Variants in TENM4 observed in about 807,000 individuals in gnomAD.
TENM4 encodes the protein teneurin-4.
A neutral mutation model predicts 243.3 loss-of-function variants in TENM4; 82 were observed. That is an observed-to-expected ratio of 0.34 (90% confidence interval 0.28 to 0.40). TENM4 has a LOEUF of 0.40. TENM4 is among the 10% of genes least tolerant of loss of function. The probability of loss-of-function intolerance (pLI) is 1.00; values close to 1 mark genes in which losing one functional copy is unlikely to be tolerated. For missense variants in TENM4, 3,138 were observed against 3,673.3 expected (o/e 0.85, Z 3.77); for synonymous variants, 1,412 against 1,456.3 (o/e 0.97, Z 0.69).
intron 6 of TENM4, among the ~76,000 whole-genome samples, chr11:79,006,331 A>G (rs1445989664): frequency 6.6e-6 from 1 of 152,208 alleles, no homozygotes; most frequent in Non-Finnish European, 1.5e-5. Context: ...AGTGTCAGAA[A>G]CTATAAAGAT....
chr11:79,271,041 C>T (rs1333225172), intron 2 of TENM4, among the ~76,000 whole-genome samples: 1 of 152,068 alleles, frequency 6.6e-6, no homozygotes, highest in East Asian at 1.9e-4. Context: ...AGTTTGTCTG[C>T]TGGGGAAATT....
intron 3 of TENM4, among the ~76,000 whole-genome samples, chr11:79,198,011 C>G (rs1863665410): frequency 6.6e-6 from 1 of 152,186 alleles, no homozygotes; most frequent in Admixed American, 6.5e-5. Flanking sequence ...TGACCTTAAC[C>G]TGGGCATCCT....
chr11:78,775,000 G>A (rs1199760951), intron 17 of TENM4, among the ~76,000 whole-genome samples: 1 of 152,190 alleles, frequency 6.6e-6, no homozygotes, highest in Non-Finnish European at 1.5e-5. Context: ...TGAACCTTGT[G>A]AAATAGTAGT....
rs765008895 is a variant in TENM4 at position 78,669,604 on chromosome 11, C to T, written c.6741G>A (p.Arg2247=). 1.9e-6 allele frequency: 3 copies of T among 1,613,956 alleles called. No individual in the cohort carries two copies. Among genetic ancestry groups the T allele is most frequent in the Non-Finnish European group, 1.7e-6 (2 of 1,179,884 alleles). Residue 2247 remains arginine (R), a synonymous_variant, in exon 32 of 34, where the codon CGG becomes CGA. Coordinates refer to ENST00000278550, the MANE Select transcript of TENM4 (RefSeq NM_001098816.3). This position sits in a 1 kb window ranked among gnomAD's most constrained non-coding sequence, Gnocchi z 6.4. ...CCATCTTGTATTGCACGTCACCCAG[C>T]CGAGTGATGCGGTCGCGGATGTCAT... ...LRYDIRDRIT[R]LGDVQYKMDE...
intron 3 of TENM4, among the ~76,000 whole-genome samples, chr11:79,168,944 A>C (rs1862980436): frequency 6.6e-6 from 1 of 151,940 alleles, no homozygotes; most frequent in African/African-American, 2.4e-5. Context: ...GGCCCAGTCT[A>C]CCCCCACCCA....
chr11:79,328,490 C>T (rs1012015278), intron 1 of TENM4, among the ~76,000 whole-genome samples: 1 of 152,166 alleles, frequency 6.6e-6, no homozygotes, highest in African/African-American at 2.4e-5. Flanking sequence ...CCTCTATCCT[C>T]ATGCTAAGTG....
intron 6 of TENM4, among the ~76,000 whole-genome samples, chr11:78,989,642 C>T (rs1046092575): frequency 2.0e-5 from 3 of 152,252 alleles, no homozygotes; most frequent in African/African-American, 7.2e-5. Flanking sequence ...TTCCTCTGCG[C>T]TAACTCATGG....
At chr11:78,803,231 T>C (rs1490518534) in intron 15 of TENM4, among the ~76,000 whole-genome samples, 1 of 152,140 alleles carries the variant, frequency 6.6e-6, no homozygotes, top group Non-Finnish European at 1.5e-5. Flanking sequence ...GGTTTCACCA[T>C]CTTGGCCAGG....
chr11:79,062,361 G>A (rs754784527), intron 6 of TENM4, among the ~76,000 whole-genome samples: 2 of 150,154 alleles, frequency 1.3e-5, no homozygotes, highest in East Asian at 2.0e-4. Flanking sequence ...ACATCTGGAA[G>A]GGCCTACAGG....
chr11:79,298,783 T>C (rs1856502302), intron 1 of TENM4, among the ~76,000 whole-genome samples: 1 of 152,190 alleles, frequency 6.6e-6, no homozygotes. Flanking sequence ...CCTGATGCTG[T>C]AATTTTGGTA....
chr11:78,721,309 G>A (rs753465286), intron 24 of TENM4, among the ~76,000 whole-genome samples: 2 of 152,236 alleles, frequency 1.3e-5, no homozygotes, highest in Non-Finnish European at 2.9e-5. Flanking sequence ...GATTTCCTAT[G>A]AACCTACCGC....
At chr11:79,193,492 T>C (rs1863559369) in intron 3 of TENM4, among the ~76,000 whole-genome samples, 1 of 152,196 alleles carries the variant, frequency 6.6e-6, no homozygotes, top group African/African-American at 2.4e-5. Context: ...GAGACAAAGC[T>C]TGTGGCCCGG....
At chr11:78,937,918 C>A (rs1243486332) in intron 6 of TENM4, among the ~76,000 whole-genome samples, 1 of 152,012 alleles carries the variant, frequency 6.6e-6, no homozygotes, top group African/African-American at 2.4e-5. Flanking sequence ...TCTAGAATCC[C>A]AAAAAAAGCC....
At chr11:79,064,147 G>GTAT (rs368212593) in intron 6 of TENM4, among the ~76,000 whole-genome samples, 1 of 152,040 alleles carries the variant, frequency 6.6e-6, no homozygotes, top group Non-Finnish European at 1.5e-5. Flanking sequence ...AATATATAAT[G>GTAT]TATTATTATT....
chr11:78,958,893 G>A (rs1215905777), intron 6 of TENM4, among the ~76,000 whole-genome samples: 5 of 152,246 alleles, frequency 3.3e-5, no homozygotes, highest in African/African-American at 7.2e-5. Context: ...CAAATTGGTG[G>A]AAGGAGATGG....
chr11:78,915,286 G>T (rs1318898450), intron 6 of TENM4, among the ~76,000 whole-genome samples: 1 of 152,124 alleles, frequency 6.6e-6, no homozygotes, highest in Non-Finnish European at 1.5e-5. Flanking sequence ...TCCTAGTTTG[G>T]GCTCTCTAGC....
intron 3 of TENM4, among the ~76,000 whole-genome samples, chr11:79,213,074 G>A (rs575197340): frequency 1.3e-5 from 2 of 152,292 alleles, no homozygotes; most frequent in South Asian, 2.1e-4. Flanking sequence ...AATGGATAAT[G>A]TCTGTGCCAT....
intron 6 of TENM4, among the ~76,000 whole-genome samples, chr11:78,937,544 T>C (rs1180521939): frequency 6.6e-6 from 1 of 152,214 alleles, no homozygotes; most frequent in Non-Finnish European, 1.5e-5. Flanking sequence ...CTATTTCAAA[T>C]AGCTCCTATT....
intron 4 of TENM4, among the ~76,000 whole-genome samples, chr11:79,081,009 C>T (rs1282947524): frequency 6.6e-6 from 1 of 152,180 alleles, no homozygotes; most frequent in Non-Finnish European, 1.5e-5. Context: ...TATTAGGCCT[C>T]CACTCTGTGA....
Sources: allele counts gnomAD v4.1 joint callset (sites outside exome capture counted in the v4.1 genomes callset), GRCh38; gene constraint gnomAD v4.1.1; non-coding constraint Gnocchi (gnomAD v3.1); transcripts MANE v1.5; gene names NCBI Gene and HGNC (gene_info 2026-07-23, HGNC 2026-07-21).